Variants in SASH1 observed in about 807,000 individuals in gnomAD.
The protein encoded by SASH1 is SAM and SH3 domain containing 1, also known as SAM and SH3 domain-containing protein 1.
Under a neutral mutation model 125.2 loss-of-function variants are expected in SASH1, and 44 were observed. The observed-to-expected ratio is 0.35, with a 90% CI of 0.28 to 0.45. The LOEUF (loss-of-function observed/expected upper bound fraction) is 0.45, where lower values mean the gene tolerates loss of function less well. Ranked by LOEUF, SASH1 falls within the 20% of genes least tolerant of loss-of-function variation. SASH1 has a pLI of 1.00. For synonymous variants in SASH1, 639 were observed against 649.1 expected (o/e 0.98, Z 0.24); for missense variants, 1,426 against 1,614.5 (o/e 0.88, Z 2.00).
At chr6:148,317,022 A>T (rs4445079) in intron 1 of SASH1, among the ~76,000 whole-genome samples, 1 of 152,164 alleles carries the variant, frequency 6.6e-6, no homozygotes, top group African/African-American at 2.4e-5. Context: ...TTTGCACTCC[A>T]TTCTGAGTTA....
At chr6:148,426,938 A>T (rs1474219326) in intron 2 of SASH1, among the ~76,000 whole-genome samples, 1 of 152,130 alleles carries the variant, frequency 6.6e-6, no homozygotes, top group Non-Finnish European at 1.5e-5. Context: ...GTTTGAGACC[A>T]GCCTGGTCAG....
At chr6:148,477,255 G>A (rs893643854) in intron 7 of SASH1, among the ~76,000 whole-genome samples, 2 of 151,992 alleles carry the variant, frequency 1.3e-5, no homozygotes, top group Non-Finnish European at 2.9e-5. Flanking sequence ...AGCAAACAAA[G>A]CAATAGGCAA....
In SASH1 at chr6:148,451,373, C is replaced by T. The variant is rs182415842; in HGVS notation, c.386+10966C>T. Among the ~76,000 whole-genome samples the T allele has an allele frequency of 2.0e-5, 3 of 152,318 alleles. No homozygotes were observed. The East Asian group carries it at 5.8e-4, about 29-fold the overall frequency. ...CTTGTAAATATCAACATTATAAAGA[C>T]ACCTCTAAATAAACATTTGACATAG... On this transcript the variant is annotated intron_variant, in intron 4 of 19. Transcript: ENST00000367467.
At chr6:148,524,009 A>G (rs1780973865) in intron 10 of SASH1, among the ~76,000 whole-genome samples, 1 of 151,688 alleles carries the variant, frequency 6.6e-6, no homozygotes. Context: ...AGTAAGTGGC[A>G]GAACCAGGAT....
In SASH1 at chr6:148,335,807, G is replaced by A. The variant is rs533930102; in HGVS notation, n.75-54327G>A. ...GCATCCTAATCACCCCGCCCCACCC[G>A]AGGTAAACTCCCAGCTCCATTACTC... On this transcript the variant is annotated intron_variant and non_coding_transcript_variant, in intron 1 of 3. Transcript: ENST00000367469. Among the ~76,000 whole-genome samples the A allele has an allele frequency of 3.3e-5, 5 of 152,164 alleles. No individual in the cohort carries two copies. In the East Asian group the frequency reaches 9.7e-4, roughly 29 times the overall value.
intron 1 of SASH1, among the ~76,000 whole-genome samples, chr6:148,382,595 AT>A (rs556462262): frequency 3.4e-4 from 51 of 151,890 alleles, no homozygotes; most frequent in Non-Finnish European, 6.3e-4. Context: ...TGGCCCCCCA[AT>A]TTTTTTTCCT....
chr6:148,431,701 G>A (rs1056613161), intron 2 of SASH1, among the ~76,000 whole-genome samples: 2 of 151,778 alleles, frequency 1.3e-5, no homozygotes, highest in African/African-American at 4.8e-5. Context: ...CGGCTGGTTC[G>A]TCTGAGACAG....
At chr6:148,324,899 C>G (rs115667588) in intron 1 of SASH1, among the ~76,000 whole-genome samples, 3 of 152,292 alleles carry the variant, frequency 2.0e-5, no homozygotes, top group Non-Finnish European at 2.9e-5. Flanking sequence ...CTGCTGCCAT[C>G]AGGCAGCCTC....
At chr6:148,194,853 C>A in the SASH1 span, among the ~76,000 whole-genome samples, 1 of 152,192 alleles carries the variant, frequency 6.6e-6, no homozygotes, top group Non-Finnish European at 1.5e-5. Context: ...TGGCAGTGAG[C>A]CGAGATCGCG....
intron 1 of SASH1, among the ~76,000 whole-genome samples, chr6:148,301,110 T>C (rs957256663): frequency 2.6e-5 from 4 of 151,630 alleles, no homozygotes; most frequent in Admixed American, 2.0e-4. Context: ...GCAGATAAAC[T>C]GCAGTCGGGA....
the SASH1 span, among the ~76,000 whole-genome samples, chr6:148,199,509 G>T: frequency 6.6e-6 from 1 of 152,098 alleles, no homozygotes; most frequent in South Asian, 2.1e-4. Context: ...ACCAGCCTGA[G>T]CAATATAGTG....
At chr6:148,416,745 T>C (rs1267576176) in intron 2 of SASH1, among the ~76,000 whole-genome samples, 1 of 152,214 alleles carries the variant, frequency 6.6e-6, no homozygotes, top group Non-Finnish European at 1.5e-5. Flanking sequence ...GGATCTGCCC[T>C]GGAACACGGG....
intron 1 of SASH1, among the ~76,000 whole-genome samples, chr6:148,323,881 C>T (rs911933272): frequency 2.0e-5 from 3 of 152,016 alleles, no homozygotes; most frequent in Non-Finnish European, 4.4e-5. Context: ...AATCCCAGCA[C>T]TTTGGGAGGC....
intron 13 of SASH1, among the ~76,000 whole-genome samples, chr6:148,531,989 G>A (rs1179083058): frequency 6.6e-6 from 1 of 152,202 alleles, no homozygotes; most frequent in African/African-American, 2.4e-5. Flanking sequence ...GAGTGGGGAA[G>A]GGAGGGGAAT....
At chr6:148,319,137 A>G (rs999420271) in intron 1 of SASH1, among the ~76,000 whole-genome samples, 4 of 135,534 alleles carry the variant, frequency 3.0e-5, no homozygotes, top group African/African-American at 1.1e-4. Context: ...AGTTCATGCC[A>G]TTCTCCTGCC....
At chr6:148,247,036 C>T in the SASH1 span, among the ~76,000 whole-genome samples, 5 of 152,108 alleles carry the variant, frequency 3.3e-5, no homozygotes, top group African/African-American at 7.2e-5. Context: ...AGGCCAAGGG[C>T]GATGGAATGG....
chr6:148,284,583 C>T (rs557505423), intron 1 of SASH1, among the ~76,000 whole-genome samples: 4 of 152,150 alleles, frequency 2.6e-5, no homozygotes, highest in African/African-American at 9.6e-5. Context: ...TTTTCCAGAG[C>T]TTTGAAATCT....
intron 1 of SASH1, among the ~76,000 whole-genome samples, chr6:148,272,979 G>A (rs1779099519): frequency 6.6e-6 from 1 of 152,058 alleles, no homozygotes; most frequent in African/African-American, 2.4e-5. Flanking sequence ...TTATATTTGG[G>A]CTGAACATGG....
At chr6:148,279,280 C>T (rs1253169523) in intron 1 of SASH1, among the ~76,000 whole-genome samples, 1 of 152,148 alleles carries the variant, frequency 6.6e-6, no homozygotes, top group South Asian at 2.1e-4. Flanking sequence ...CATGAACCAC[C>T]GCACCCAGCC....
Sources: gnomAD v4.1 joint callset for allele counts (sites outside exome capture counted in the v4.1 genomes callset) on GRCh38, gnomAD v4.1.1 for gene constraint, MANE v1.5 for transcripts, NCBI Gene and HGNC (gene_info 2026-07-23, HGNC 2026-07-21) for gene names.